The following NWD1 variants were observed in gnomAD, a reference collection of about 807,000 sequenced individuals.
The protein encoded by NWD1 is NACHT and WD repeat domain containing 1, also known as NACHT domain- and WD repeat-containing protein 1.
Under a neutral mutation model 135.1 loss-of-function variants are expected in NWD1, and 129 were observed. The observed-to-expected ratio is 0.96, with a 90% CI of 0.83 to 1.11. NWD1 has a LOEUF of 1.11. Ranked by LOEUF, NWD1 falls within the 50% of genes least tolerant of loss-of-function variation. NWD1 has a pLI of 0.00. For missense variants in NWD1, 1,740 were observed against 1,851.3 expected (o/e 0.94, Z 1.10); for synonymous variants, 773 against 786.0 (o/e 0.98, Z 0.28).
intron 18 of NWD1, chr19:16,812,805 G>T (rs111676200): frequency 1.4e-5 from 11 of 780,998 alleles, no homozygotes; most frequent in Non-Finnish European, 2.6e-5. Flanking sequence ...GTATGTGTAC[G>T]TGGGCTTAAA....
At chr19:16,743,725 C>T (rs1968183396) in intron 4 of NWD1, among the ~76,000 whole-genome samples, 1 of 151,772 alleles carries the variant, frequency 6.6e-6, no homozygotes. Flanking sequence ...CTCTGTTGCC[C>T]AGGCTGGACT....
intron 2 of NWD1, among the ~76,000 whole-genome samples, chr19:16,730,141 A>G (rs1356277761): frequency 2.0e-5 from 3 of 150,812 alleles, no homozygotes; most frequent in Non-Finnish European, 4.4e-5. Context: ...GGCCAACATG[A>G]TGAAACCCCA....
chr19:16,757,173 G>A (rs536537642), intron 6 of NWD1, among the ~76,000 whole-genome samples: 57 of 152,180 alleles, frequency 3.7e-4, no homozygotes, highest in African/African-American at 7.5e-4. Context: ...ACCCTGGTCC[G>A]CGGGAAAAAA....
In NWD1 at chr19:16,789,097, G is replaced by T; in HGVS notation, c.2847G>T (p.Trp949Cys). The T allele has an allele frequency of 1.2e-6, 2 of 1,613,876 alleles. No homozygotes were observed. The highest frequency in any genetic ancestry group is 1.7e-6 in the Non-Finnish European group (2 of 1,179,888). ...LLSGQEKFTI[W>C]DGGSKNPAEP... ...CTGGCCAGGAGAAATTTACCATTTG[G>T]GATGGAGGCTCAAAAAATCCCGCTG... Residue 949 changes from tryptophan (W) to cysteine (C), a missense_variant, in exon 13 of 19, where the codon TGG becomes TGT. Trp to Cys is a radical substitution (Grantham distance 215). Transcript: ENST00000524140.
At chr19:16,755,571 TA>T (rs1968759448) in intron 6 of NWD1, among the ~76,000 whole-genome samples, 2 of 152,134 alleles carry the variant, frequency 1.3e-5, no homozygotes. Context: ...GTATCTTTAG[TA>T]GAGACAGGGT....
At position 16,817,617 on chromosome 19, in the gene NWD1, A is replaced by T. The variant is rs1297883866; in HGVS notation, c.*2578A>T. On this transcript the variant is annotated 3_prime_UTR_variant, in exon 19 of 19. Coordinates refer to ENST00000524140, the MANE Select transcript of NWD1 (RefSeq NM_001007525.5). ...TGTCTCCAAAAAAAAAAAAAAAAAA[A>T]AGTAATGGCAAAAACCACAATTAAT... The T allele has an allele frequency of 1.3e-5, 2 of 151,738 alleles. No individual in the cohort carries two copies. Among genetic ancestry groups the T allele is most frequent in the Admixed American group, 1.3e-4 (2 of 15,186 alleles). The allele number at this position is 151,738 out of a possible 1,614,324, so 9.4% of individuals were successfully genotyped here.
intron 13 of NWD1, among the ~76,000 whole-genome samples, chr19:16,790,372 G>A (rs147553604): frequency 6.6e-6 from 1 of 152,018 alleles, no homozygotes; most frequent in African/African-American, 2.4e-5. Context: ...TAAGTAATTG[G>A]TGGTTGTTGA....
At position 16,749,095 on chromosome 19, in the gene NWD1, C is replaced by G. The variant is rs1372496814; in HGVS notation, c.497-44C>G. The G allele has an allele frequency of 2.7e-6, 4 of 1,493,744 alleles. No homozygotes were observed. The African/African-American group carries it at 5.6e-5, about 21-fold the overall frequency. The allele number at this position is 1,493,744 out of a possible 1,614,324, so 92.5% of individuals were successfully genotyped here. ...AACCCCATTTAGGTCAGCTGCTGAC[C>G]CAATAATGACCACACTTCCTTCCCA... On this transcript the variant is annotated intron_variant, in intron 5 of 18. Coordinates refer to ENST00000524140, the MANE Select transcript of NWD1 (RefSeq NM_001007525.5).
At chr19:16,761,833 T>G (rs1241401239) in intron 7 of NWD1, 146 bp from the exon 8 acceptor site, 1 of 549,360 alleles carries the variant, frequency 1.8e-6, no homozygotes, top group South Asian at 2.9e-5. Flanking sequence ...AATTTAGAGA[T>G]AGATGTGATG....
intron 18 of NWD1, among the ~76,000 whole-genome samples, chr19:16,808,512 T>C (rs1970825558): frequency 4.0e-5 from 6 of 151,270 alleles, no homozygotes; most frequent in Admixed American, 3.3e-4. Context: ...ATCACGCCAC[T>C]GCACTCCAGC....
rs373869121 is a variant in NWD1 at position 16,750,192 on chromosome 19, C to T, written c.1550C>T (p.Pro517Leu). 2.3e-5 allele frequency: 37 copies of T among 1,613,284 alleles called. No individual in the cohort carries two copies. The highest frequency in any genetic ancestry group is 2.0e-4 in the Admixed American group (12 of 59,968). The change falls in exon 6 of 19, where the codon CCG (proline) becomes CTG (leucine). Residue 517 changes from proline to leucine, a missense_variant. Coordinates refer to ENST00000524140, the MANE Select transcript of NWD1 (RefSeq NM_001007525.5). Reference sequence around the variant, plus strand: ...GCAGCTGCAAGGAGGACGCTGAGCCCGGTGCACACAGATTTGCTCTGGGCC... The same window carrying T: ...GCAGCTGCAAGGAGGACGCTGAGCCTGGTGCACACAGATTTGCTCTGGGCC... ...LLAAARRTLSPVHTDLLWASL... is the reference protein window; with the variant it reads ...LLAAARRTLSLVHTDLLWASL...
At chr19:16,724,671 C>A (rs1388666504) in intron 2 of NWD1, among the ~76,000 whole-genome samples, 1 of 152,072 alleles carries the variant, frequency 6.6e-6, no homozygotes, top group Non-Finnish European at 1.5e-5. Flanking sequence ...TGAACTCAAC[C>A]CAGTGAGACC....
chr19:16,811,987 G>A (rs1315318083), intron 18 of NWD1, among the ~76,000 whole-genome samples: 2 of 152,156 alleles, frequency 1.3e-5, no homozygotes, highest in South Asian at 2.1e-4. Context: ...CTGCACCTCA[G>A]CCTCAGGAAC....
intron 4 of NWD1, among the ~76,000 whole-genome samples, chr19:16,739,196 A>G (rs1378139178): frequency 6.7e-6 from 1 of 150,272 alleles, no homozygotes; most frequent in Admixed American, 6.7e-5. Flanking sequence ...CCAAGAAAAA[A>G]AAAAAGGAGA....
intron 13 of NWD1, among the ~76,000 whole-genome samples, chr19:16,790,165 T>C (rs1022239107): frequency 2.0e-5 from 3 of 152,184 alleles, no homozygotes; most frequent in East Asian, 1.9e-4. Context: ...AGCTTACTAA[T>C]TGATGCCAGG....
At chr19:16,791,231 C>T in intron 13 of NWD1, 119 bp from the exon 14 acceptor site, 1 of 906,866 alleles carries the variant, frequency 1.1e-6, no homozygotes, top group Non-Finnish European at 1.7e-6. Flanking sequence ...GAGGCTCTGT[C>T]TCCAAAAGAA....
chr19:16,805,310 C>T (rs907234722), intron 17 of NWD1, among the ~76,000 whole-genome samples: 13 of 151,996 alleles, frequency 8.6e-5, no homozygotes, highest in African/African-American at 3.1e-4. Context: ...CCACCTGCCT[C>T]GGCCTCCCAA....
intron 17 of NWD1, chr19:16,801,589 A>G (rs2608727): frequency 0.22 from 33,554 of 151,680 alleles, 7,433 homozygotes; most frequent in African/African-American, 0.57. Context: ...AGTGGCTCAC[A>G]TCTGTAGTCC....
intron 1 of NWD1, among the ~76,000 whole-genome samples, chr19:16,722,377 T>G (rs1284988630): frequency 6.6e-6 from 1 of 151,486 alleles, no homozygotes; most frequent in East Asian, 2.0e-4. Context: ...CAATGTCCGT[T>G]TCCTGGGTTC....
Sources: gnomAD v4.1 joint callset for allele counts (sites outside exome capture counted in the v4.1 genomes callset) on GRCh38, gnomAD v4.1.1 for gene constraint, MANE v1.5 for transcripts, NCBI Gene and HGNC (gene_info 2026-07-23, HGNC 2026-07-21) for gene names.